The following ZNF786 variants were observed in gnomAD, a reference collection of about 807,000 sequenced individuals.
The protein encoded by ZNF786 is zinc finger protein 786.
In ZNF786, 56 loss-of-function variants were observed where a neutral mutation model predicts 63.1. The ratio of observed to expected loss-of-function variants is 0.89; its 90% CI spans 0.72 to 1.11. The LOEUF (loss-of-function observed/expected upper bound fraction) is 1.11. ZNF786 is among the 50% of genes least tolerant of loss of function. The pLI, the probability that ZNF786 is intolerant of heterozygous loss-of-function variation, is 0.00. For missense variants in ZNF786, 1,213 were observed against 1,041.8 expected (o/e 1.16, Z -2.26); for synonymous variants, 485 against 406.9 (o/e 1.19, Z -2.31).
chr7:149,083,195 C>A (rs2373438), intron 1 of ZNF786, among the ~76,000 whole-genome samples: 80,713 of 151,788 alleles, frequency 0.53, 25,092 homozygotes, highest in East Asian at 0.9. Flanking sequence ...CCGCACCCAG[C>A]CAGCCTAGTC....
Position 149,070,917 on chromosome 7 carries a change from T to C in ZNF786, c.1855A>G (p.Arg619Gly). ...TCGCACTCCGGACACTGGAAGGGCC[T>C]CTCTCCCGTGTGCAGGCGCTGATGG... is the stretch of plus-strand genomic sequence containing the variant. ...LSHQRLHTGE[R>G]PFQCPECDKR... The change falls in exon 4 of 4, where the codon AGG becomes GGG. Residue 619 changes from arginine (R) to glycine (G), a missense_variant. By Grantham distance (125) the Arg-to-Gly change is moderately radical. Transcript: ENST00000491431. 7.4e-6 allele frequency: 12 copies of C among 1,613,624 alleles called. No homozygotes were observed. The highest frequency in any genetic ancestry group is 9.3e-6 in the Non-Finnish European group (11 of 1,179,954).
intron 1 of ZNF786, among the ~76,000 whole-genome samples, chr7:149,083,199 C>T (rs1191518368): frequency 1.3e-5 from 2 of 150,888 alleles, no homozygotes; most frequent in African/African-American, 4.9e-5. Flanking sequence ...ACCCAGCCAG[C>T]CTAGTCATCT....
chr7:149,080,516 C>T lies in ZNF786; in HGVS notation c.145+75G>A, dbSNP rs1381767502. 6.4e-6 allele frequency: 9 copies of T among 1,402,626 alleles called. No homozygotes were observed. In the East Asian group the frequency reaches 1.5e-4, roughly 23 times the overall value. 86.9% of individuals were successfully genotyped at this position (1,402,626 alleles called of 1,614,324 possible). A position where few individuals can be genotyped will look rare whatever the true frequency, so the allele number is the denominator to read the frequency against. ...CTGAGAAATCTTGCTACCTGAGAAA[C>T]AGGAGCATCAAGTGACTGTGACCCC... On this transcript the variant is annotated intron_variant, in intron 2 of 3. Transcript: ENST00000491431.
chr7:149,071,746 T>C lies in ZNF786; in HGVS notation c.1026A>G (p.Pro342=). 1 of 1,588,958 alleles carries C rather than the reference T, an allele frequency of 6.3e-7. No individual in the cohort carries two copies. Among genetic ancestry groups the C allele is most frequent in the Non-Finnish European group, 8.5e-7 (1 of 1,175,044 alleles). Residue 342 remains proline (P), a synonymous_variant, in exon 4 of 4, where the codon CCA becomes CCG. Transcript: ENST00000491431. ...TCCCCTCCTGGGGCAGGCGCGAGCC[T>C]GGTTTCTGTCCCGAGTGCACACTGC... ...ASSSVHSGQK[P]GSRLPQEGNS... is the part of the protein sequence containing the mutation.
chr7:149,072,765 CTGTGTAACCTT>C (rs1180978163), intron 3 of ZNF786, among the ~76,000 whole-genome samples: 1 of 152,230 alleles, frequency 6.6e-6, no homozygotes, highest in East Asian at 1.9e-4. Flanking sequence ...TATCTGTCCA[CTGTGTAACCTT>C]TGTCAAGCTA....
At chr7:149,084,474 C>G (rs1256802586) in intron 1 of ZNF786, among the ~76,000 whole-genome samples, 1 of 151,074 alleles carries the variant, frequency 6.6e-6, no homozygotes, top group Non-Finnish European at 1.5e-5. Context: ...GTTCTCTTTT[C>G]TCTGTAACCT....
At chr7:149,077,918 A>T (rs1183530011) in intron 2 of ZNF786, among the ~76,000 whole-genome samples, 4 of 150,106 alleles carry the variant, frequency 2.7e-5, no homozygotes, top group African/African-American at 9.8e-5. Flanking sequence ...GTTGGAGTGC[A>T]ATGGCGTGAT....
At chr7:149,083,804 T>A (rs939969439) in intron 1 of ZNF786, among the ~76,000 whole-genome samples, 2 of 152,206 alleles carry the variant, frequency 1.3e-5, no homozygotes, top group Non-Finnish European at 2.9e-5. Context: ...TGTTTTCTAC[T>A]CCTGTGTTAT....
At chr7:149,075,660 T>TTTG (rs1235807169) in intron 2 of ZNF786, among the ~76,000 whole-genome samples, 8 of 109,720 alleles carry the variant, frequency 7.3e-5, no homozygotes, top group Non-Finnish European at 3.8e-5. Context: ...TTCAGGTTTT[T>TTTG]TTTTTTTTTT....
At position 149,071,245 on chromosome 7, in the gene ZNF786, G is replaced by A; in HGVS notation, c.1527C>T (p.Phe509=). The A allele has an allele frequency of 6.2e-7, 1 of 1,612,602 alleles. No individual in the cohort carries two copies. The highest frequency in any genetic ancestry group is 1.1e-5 in the South Asian group (1 of 91,062). The change falls in exon 4 of 4, where the codon TTC becomes TTT. Residue 509 remains phenylalanine (F), a synonymous_variant. Transcript: ENST00000491431. ...HRLRHGGERP[F]SCSECGRGFT... ...AGCCTCTGCCACACTCGCTACAGGA[G>A]AACGGCCTCTCCCCACCGTGCCGGA...
chr7:149,089,595 G>A (rs964582702), intron 1 of ZNF786, among the ~76,000 whole-genome samples: 3 of 152,094 alleles, frequency 2.0e-5, no homozygotes, highest in Admixed American at 2.0e-4. Flanking sequence ...GGGATTACAG[G>A]CGTAAACCAC....
At position 149,071,986 on chromosome 7, in the gene ZNF786, G is replaced by A. The variant is rs542340635; in HGVS notation, c.786C>T (p.His262=). ...CGTTCCGGAAGGGGCCCCTCCCCGT[G>A]TGGGCCGCCAGATGGCGCAGCAGAC... The part of the protein sequence containing the change: ...KLCLLRHLAA[H]TGRGPFRNAD... Residue 262 remains histidine (H), a synonymous_variant, in exon 4 of 4, where the codon CAC becomes CAT. Transcript: ENST00000491431. 3.8e-5 allele frequency: 62 copies of A among 1,612,676 alleles called. No homozygotes were observed. In the East Asian group the frequency reaches 1.2e-3, roughly 31 times the overall value.
chr7:149,082,257 G>T (rs890328908), intron 1 of ZNF786, among the ~76,000 whole-genome samples: 7 of 152,280 alleles, frequency 4.6e-5, no homozygotes, highest in South Asian at 2.1e-4. Flanking sequence ...CCGTGTGATT[G>T]TAAGTCTTCT....
intron 3 of ZNF786, among the ~76,000 whole-genome samples, chr7:149,073,158 AT>A (rs564097405): frequency 4.0e-4 from 61 of 152,324 alleles, no homozygotes; most frequent in African/African-American, 1.3e-3. Context: ...AAGTTAAGTA[AT>A]TTGTGGGGGA....
intron 1 of ZNF786, among the ~76,000 whole-genome samples, chr7:149,085,221 G>A (rs992484197): frequency 6.6e-6 from 1 of 152,212 alleles, no homozygotes; most frequent in African/African-American, 2.4e-5. Flanking sequence ...GTCAGGTAGT[G>A]TGATGTCTCC....
chr7:149,084,351 C>CAAAA (rs60194366), intron 1 of ZNF786, among the ~76,000 whole-genome samples: 1 of 62,316 alleles, frequency 1.6e-5, no homozygotes, highest in African/African-American at 5.3e-5. Context: ...AACTGCATCC[C>CAAAA]AAAAAAAAAA....
chr7:149,087,351 A>G (rs1025380831), intron 1 of ZNF786, among the ~76,000 whole-genome samples: 1 of 152,228 alleles, frequency 6.6e-6, no homozygotes, highest in Non-Finnish European at 1.5e-5. Flanking sequence ...AATTCTGTCT[A>G]TAAGAAACAC....
intron 1 of ZNF786, 75 bp downstream of exon 1, chr7:149,090,548 G>A (rs1217965793): frequency 3.5e-6 from 5 of 1,429,950 alleles, no homozygotes; most frequent in Admixed American, 2.3e-5. Context: ...GGGACCCCAG[G>A]ACACGGGCGA....
chr7:149,072,547 C>A, intron 3 of ZNF786, 74 bp from the exon 4 acceptor site: 1 of 1,450,790 alleles, frequency 6.9e-7, no homozygotes, highest in Non-Finnish European at 9.1e-7. Flanking sequence ...GTCAAGTGAC[C>A]CACAAGAGTG....
Sources: gnomAD v4.1 joint callset for allele counts (sites outside exome capture counted in the v4.1 genomes callset) on GRCh38, gnomAD v4.1.1 for gene constraint, MANE v1.5 for transcripts, NCBI Gene and HGNC (gene_info 2026-07-23, HGNC 2026-07-21) for gene names.